The following KIAA0040 variants were observed in gnomAD, a reference collection of about 807,000 sequenced individuals.
KIAA0040 encodes the protein uncharacterized protein KIAA0040.
KIAA0040 carries 10 observed loss-of-function variants against 7.2 expected under a neutral mutation model. The observed-to-expected ratio is 1.38, with a 90% CI of 0.85 to 2.34. KIAA0040 has a LOEUF of 2.34. KIAA0040 is among the 30% of genes most tolerant of loss of function. The pLI, the probability that KIAA0040 is intolerant of heterozygous loss-of-function variation, is 0.00. For missense variants in KIAA0040, 89 were observed against 108.2 expected (o/e 0.82, Z 0.79); for synonymous variants, 49 against 40.1 (o/e 1.22, Z -0.84).
chr1:175,177,806 A>C (rs1677262605), intron 1 of KIAA0040, 122 bp from the exon 2 acceptor site: 1 of 152,228 alleles, frequency 6.6e-6, no homozygotes, highest in South Asian at 2.1e-4. Flanking sequence ...ATGACTGATC[A>C]CATGCATACA....
intron 3 of KIAA0040, among the ~76,000 whole-genome samples, chr1:175,165,701 A>C (rs1676733925): frequency 6.6e-6 from 1 of 152,180 alleles, no homozygotes; most frequent in Admixed American, 6.5e-5. Flanking sequence ...AGCCATCTAC[A>C]GGCCCCAGCC....
chr1:175,181,448 C>T (rs1212685652), intron 1 of KIAA0040, among the ~76,000 whole-genome samples: 3 of 152,182 alleles, frequency 2.0e-5, no homozygotes, highest in African/African-American at 2.4e-5. Flanking sequence ...TTGTTGAGTA[C>T]CTACTATGTG....
At chr1:175,190,071 T>C (rs915677738) in intron 1 of KIAA0040, among the ~76,000 whole-genome samples, 6 of 152,270 alleles carry the variant, frequency 3.9e-5, no homozygotes, top group African/African-American at 1.2e-4. Context: ...CACACAGGGG[T>C]AGGTAACTAA....
At chr1:175,185,075 C>T (rs1044479029) in intron 1 of KIAA0040, among the ~76,000 whole-genome samples, 2 of 152,062 alleles carry the variant, frequency 1.3e-5, no homozygotes, top group African/African-American at 4.8e-5. Flanking sequence ...AAATCCAAAA[C>T]CCAAATGCTC....
intron 3 of KIAA0040, among the ~76,000 whole-genome samples, chr1:175,162,204 C>A (rs34370567): frequency 6.6e-6 from 1 of 151,946 alleles, no homozygotes; most frequent in Non-Finnish European, 1.5e-5. Flanking sequence ...CAAGGACAGG[C>A]ATGATTCAAG....
At chr1:175,191,199 G>A (rs1432529684) in intron 1 of KIAA0040, among the ~76,000 whole-genome samples, 1 of 152,192 alleles carries the variant, frequency 6.6e-6, no homozygotes, top group Non-Finnish European at 1.5e-5. Flanking sequence ...ATACTGGCCT[G>A]CACACGGTAG....
intron 1 of KIAA0040, among the ~76,000 whole-genome samples, chr1:175,179,891 A>T (rs1677369125): frequency 6.6e-6 from 1 of 152,230 alleles, no homozygotes; most frequent in Non-Finnish European, 1.5e-5. Context: ...CCACTTCCCC[A>T]GTGAGATGCT....
chr1:175,164,349 G>A (rs1284312496), intron 3 of KIAA0040, among the ~76,000 whole-genome samples: 1 of 152,122 alleles, frequency 6.6e-6, no homozygotes, highest in Non-Finnish European at 1.5e-5. Context: ...TTCTGACATC[G>A]GGAAGCCTCG....
chr1:175,185,085 C>A (rs753350565), intron 1 of KIAA0040, among the ~76,000 whole-genome samples: 8 of 152,022 alleles, frequency 5.3e-5, no homozygotes, highest in Non-Finnish European at 8.8e-5. Flanking sequence ...CCCAAATGCT[C>A]CAAAATCTAA....
At chr1:175,190,921 C>A (rs940184208) in intron 1 of KIAA0040, among the ~76,000 whole-genome samples, 6 of 152,200 alleles carry the variant, frequency 3.9e-5, no homozygotes, top group African/African-American at 1.4e-4. Flanking sequence ...TACCCTCTTT[C>A]CTTTGTTCAA....
intron 2 of KIAA0040, among the ~76,000 whole-genome samples, chr1:175,171,964 A>G (rs950734592): frequency 2.0e-5 from 3 of 152,242 alleles, no homozygotes; most frequent in Non-Finnish European, 4.4e-5. Flanking sequence ...TACCAGGGAA[A>G]TAATTAGAGA....
intron 1 of KIAA0040, among the ~76,000 whole-genome samples, chr1:175,184,569 C>T (rs767371621): frequency 3.3e-5 from 5 of 152,194 alleles, no homozygotes; most frequent in Non-Finnish European, 5.9e-5. Context: ...CATAGGAGTT[C>T]CATGTCAGTG....
At chr1:175,190,971 C>T (rs181306746) in intron 1 of KIAA0040, among the ~76,000 whole-genome samples, 7 of 152,304 alleles carry the variant, frequency 4.6e-5, no homozygotes, top group East Asian at 1.9e-4. Context: ...TTTCCAAGAC[C>T]CTGCTCATCC....
At chr1:175,187,766 T>C (rs989806920) in intron 1 of KIAA0040, among the ~76,000 whole-genome samples, 1 of 152,174 alleles carries the variant, frequency 6.6e-6, no homozygotes, top group Non-Finnish European at 1.5e-5. Flanking sequence ...TCTGAACCTG[T>C]GGCCCACAGC....
rs999811286 is a variant in KIAA0040 at position 175,182,679 on chromosome 1, C to A, written c.-383-4995G>T. On this transcript the variant is annotated intron_variant, in intron 1 of 3. Coordinates refer to ENST00000423313, the MANE Select transcript of KIAA0040 (RefSeq NM_014656.3). ...CCTGGGTCAAAGCCTGGTCCCACCA[C>A]ACACTGGCTTCTGAATATGGAAAGT... Among the ~76,000 whole-genome samples, 8 of 152,240 alleles carry A rather than the reference C, an allele frequency of 5.3e-5. 1 individual carries two copies. The East Asian group carries it at 5.8e-4, about 11-fold the overall frequency.
chr1:175,157,718 T>C lies in KIAA0040; in HGVS notation c.*2996A>G, dbSNP rs1417659768. 1 of 151,904 alleles carries C rather than the reference T, an allele frequency of 6.6e-6. No homozygotes were observed. The highest frequency in any genetic ancestry group is 1.5e-5 in the Non-Finnish European group (1 of 67,974). The allele number at this position is 151,904 out of a possible 1,614,324, so 9.4% of individuals were successfully genotyped here. On this transcript the variant is annotated 3_prime_UTR_variant, in exon 4 of 4. Transcript: ENST00000423313. ...CCAAGAAAAAGAAACATGGAATCCA[T>C]TGAGCAATGGGGAAAGGAGCAATGG...
At chr1:175,180,785 T>G (rs949240028) in intron 1 of KIAA0040, among the ~76,000 whole-genome samples, 2 of 152,200 alleles carry the variant, frequency 1.3e-5, no homozygotes, top group Admixed American at 6.5e-5. Flanking sequence ...TTACATCACT[T>G]GGAAGTGAGA....
At chr1:175,191,350 G>C (rs932902884) in intron 1 of KIAA0040, among the ~76,000 whole-genome samples, 5 of 152,198 alleles carry the variant, frequency 3.3e-5, no homozygotes, top group African/African-American at 1.2e-4. Context: ...CATTTCACAG[G>C]CCAAATATTG....
chr1:175,186,656 C>T (rs911919410), intron 1 of KIAA0040, among the ~76,000 whole-genome samples: 5 of 152,204 alleles, frequency 3.3e-5, no homozygotes, highest in African/African-American at 9.7e-5. Flanking sequence ...CCAGCTCTTT[C>T]CTCAAAGAGG....
Sources: gnomAD v4.1 joint callset for allele counts (sites outside exome capture counted in the v4.1 genomes callset) on GRCh38, gnomAD v4.1.1 for gene constraint, MANE v1.5 for transcripts, NCBI Gene and HGNC (gene_info 2026-07-23, HGNC 2026-07-21) for gene names.